Variants in BOLL observed in about 807,000 individuals in gnomAD.
BOLL encodes boule RNA binding protein, also known as protein boule-like.
Under a neutral mutation model 44.4 loss-of-function variants are expected in BOLL, and 23 were observed. The ratio of observed to expected loss-of-function variants is 0.52; its 90% confidence interval spans 0.37 to 0.73. The LOEUF is 0.73. Ranked by LOEUF, BOLL falls within the 30% of genes least tolerant of loss-of-function variation. BOLL has a pLI of 0.00. For synonymous variants in BOLL, 97 were observed against 110.8 expected, an observed-to-expected ratio of 0.88 and a Z score of 0.78; for missense variants, 287 against 338.3, an observed-to-expected ratio of 0.85 and a Z score of 1.19.
intron 9 of BOLL, 54 bp from the exon 10 acceptor site, chr2:197,743,213 A>G: frequency 1.5e-6 from 2 of 1,324,914 alleles, no homozygotes; most frequent in South Asian, 1.4e-5. Context: ...AATTCTAAAT[A>G]TTTACTCAGC....
chr2:197,743,275 A>C, intron 9 of BOLL, 116 bp from the exon 10 acceptor site: 1 of 614,826 alleles, frequency 1.6e-6, no homozygotes, highest in Non-Finnish European at 2.6e-6. Context: ...AGTTAAAAAC[A>C]CATGCCCTTA....
At chr2:197,758,861 G>T in intron 7 of BOLL, 1 of 1,231,330 alleles carries the variant, frequency 8.1e-7, no homozygotes, top group Non-Finnish European at 1.1e-6. Context: ...CCAGCTTGCA[G>T]TCCAATACCT....
At chr2:197,785,952 C>T, upstream of BOLL, 2 of 1,560,604 alleles carry the variant, frequency 1.3e-6, no homozygotes, top group Non-Finnish European at 1.8e-6. The surrounding 1 kb of genome is among the most constrained non-coding windows in gnomAD (Gnocchi z 6.7). Context: ...CCCGCTATCC[C>T]GCGCCCTGGG....
At chr2:197,767,821 G>A (rs549268159) in intron 6 of BOLL, among the ~76,000 whole-genome samples, 5 of 151,954 alleles carry the variant, frequency 3.3e-5, no homozygotes, top group Non-Finnish European at 7.4e-5. Flanking sequence ...AAGTATGCGT[G>A]TGTGTGTCTA....
chr2:197,770,890 A>T (rs1007181054), intron 6 of BOLL, among the ~76,000 whole-genome samples: 3 of 152,138 alleles, frequency 2.0e-5, no homozygotes, highest in Admixed American at 6.5e-5. Context: ...GCACTTTTAC[A>T]CTGTTGGTGG....
At chr2:197,770,755 C>T (rs937283839) in intron 6 of BOLL, among the ~76,000 whole-genome samples, 1 of 152,112 alleles carries the variant, frequency 6.6e-6, no homozygotes, top group East Asian at 1.9e-4. Flanking sequence ...AAATGCTCAT[C>T]ATCACTGGCC....
intron 6 of BOLL, among the ~76,000 whole-genome samples, chr2:197,771,625 A>G (rs549318920): frequency 1.3e-5 from 2 of 152,210 alleles, no homozygotes; most frequent in African/African-American, 2.4e-5. Context: ...ACTTTTGAAC[A>G]GGAAAGAGGG....
chr2:197,750,578 A>G (rs901951463), intron 9 of BOLL, among the ~76,000 whole-genome samples: 3 of 152,252 alleles, frequency 2.0e-5, no homozygotes, highest in African/African-American at 4.8e-5. Context: ...AAAGGGATCA[A>G]TGCAACAAGA....
In BOLL at chr2:197,785,083, C is replaced by T. The variant is rs1690005532; in HGVS notation, c.-43G>A. ...TCGCAGTCACTGCCTCGGCGCTCCTCCCCCTCCAAGGCCAGCAAGTTGCGG... is the reference window on the plus strand; with the variant it reads ...TCGCAGTCACTGCCTCGGCGCTCCTTCCCCTCCAAGGCCAGCAAGTTGCGG... On this transcript the variant is annotated 5_prime_UTR_variant, in exon 1 of 11. Coordinates refer to ENST00000392296, the MANE Select transcript of BOLL (RefSeq NM_033030.6). This position sits in a 1 kb window ranked among gnomAD's most constrained non-coding sequence, Gnocchi z 6.7. The T allele has an allele frequency of 4.1e-6, 4 of 985,902 alleles. No homozygotes were observed. The highest frequency in any genetic ancestry group is 4.7e-5 in the South Asian group (1 of 21,294). 61.1% of individuals were successfully genotyped at this position (985,902 alleles called of 1,614,324 possible).
chr2:197,759,233 C>T (rs966424486), intron 7 of BOLL, among the ~76,000 whole-genome samples: 1 of 152,180 alleles, frequency 6.6e-6, no homozygotes, highest in Admixed American at 6.5e-5. Context: ...GCCACCCAGC[C>T]TCTGCAAACC....
At chr2:197,771,716 A>G in intron 6 of BOLL, 139 bp downstream of exon 6, 1 of 1,039,284 alleles carries the variant, frequency 9.6e-7, no homozygotes, top group East Asian at 3.4e-5. Context: ...AAATGTGGCA[A>G]AATGTTGATG....
rs779941387 is a variant in BOLL, at chr2:197,781,881, C to A, written c.-15-16G>T. The A allele has an allele frequency of 1.3e-6, 2 of 1,572,954 alleles. No homozygotes were observed. The highest frequency in any genetic ancestry group is 2.4e-5 in the South Asian group (2 of 84,580). On this transcript the variant is annotated splice_polypyrimidine_tract_variant and intron_variant, in intron 1 of 10. Coordinates refer to ENST00000392296, the MANE Select transcript of BOLL (RefSeq NM_033030.6). ...TTGATGTTTGCTGTAAAATAAAATT[C>A]TTTTACACTTTTTGCACTGGGTATA...
chr2:197,774,808 A>G (rs2106381999), intron 5 of BOLL: 1 of 152,044 alleles, frequency 6.6e-6, no homozygotes, highest in East Asian at 1.9e-4. Flanking sequence ...TCAAAATTAA[A>G]CTTAATATAC....
chr2:197,782,538 C>T (rs151337898), intron 1 of BOLL, among the ~76,000 whole-genome samples: 179 of 152,268 alleles, frequency 1.2e-3, no homozygotes, highest in South Asian at 2.3e-3. Context: ...CATTTCCTGA[C>T]GCTATACATT....
chr2:197,760,581 C>T (rs1688711602), intron 7 of BOLL, among the ~76,000 whole-genome samples: 1 of 152,208 alleles, frequency 6.6e-6, no homozygotes, highest in South Asian at 2.1e-4. Flanking sequence ...TGTTCATGTA[C>T]ACAGCCCTGA....
upstream of BOLL, chr2:197,785,874 G>A (rs998558310): frequency 1.1e-5 from 10 of 933,254 alleles, no homozygotes; most frequent in Non-Finnish European, 1.5e-5. This position sits in a 1 kb window ranked among gnomAD's most constrained non-coding sequence, Gnocchi z 6.7. Context: ...CAACCAGATA[G>A]CGAGCGTTTG....
chr2:197,735,631 A>G (rs1687450535), intron 10 of BOLL, among the ~76,000 whole-genome samples: 1 of 152,168 alleles, frequency 6.6e-6, no homozygotes. Context: ...TAGGTGAAGG[A>G]TATACAGAAA....
At chr2:197,751,753 C>G (rs935201186) in intron 9 of BOLL, among the ~76,000 whole-genome samples, 6 of 151,980 alleles carry the variant, frequency 3.9e-5, no homozygotes, top group African/African-American at 1.5e-4. Context: ...TGAAACTATT[C>G]CAAATAATAG....
At chr2:197,749,201 A>G (rs1688123054) in intron 9 of BOLL, among the ~76,000 whole-genome samples, 1 of 152,196 alleles carries the variant, frequency 6.6e-6, no homozygotes, top group South Asian at 2.1e-4. Flanking sequence ...ACATCAACAA[A>G]AAGGACATCC....
Sources: gnomAD v4.1 joint callset for allele counts (sites outside exome capture counted in the v4.1 genomes callset) on GRCh38, gnomAD v4.1.1 for gene constraint, Gnocchi (gnomAD v3.1) non-coding constraint, MANE v1.5 for transcripts, NCBI Gene and HGNC (gene_info 2026-07-23, HGNC 2026-07-21) for gene names.